The following EPB41L1 variants were observed in gnomAD, a reference collection of about 807,000 sequenced individuals.
EPB41L1 encodes the protein erythrocyte membrane protein band 4.1 like 1.
In EPB41L1, 29 loss-of-function variants were observed where a neutral mutation model predicts 97.8. The observed-to-expected ratio is 0.30, with a 90% CI of 0.22 to 0.40. The LOEUF is 0.40. EPB41L1 is among the 10% of genes least tolerant of loss of function. The probability of loss-of-function intolerance (pLI) is 1.00; values close to 1 mark genes in which losing one functional copy is unlikely to be tolerated. For missense variants in EPB41L1, 812 were observed against 1,162.3 expected (o/e 0.70, Z 4.38); for synonymous variants, 383 against 459.2 (o/e 0.83, Z 2.12).
chr20:36,125,979 A>T (rs2058949303), intron 2 of EPB41L1, among the ~76,000 whole-genome samples: 1 of 151,768 alleles, frequency 6.6e-6, no homozygotes, highest in South Asian at 2.1e-4. Flanking sequence ...GGGGGAAGAA[A>T]GGAACTTGTC....
chr20:36,164,258 G>A (rs2060646871), intron 1 of EPB41L1, among the ~76,000 whole-genome samples: 1 of 152,248 alleles, frequency 6.6e-6, no homozygotes, highest in East Asian at 1.9e-4. Context: ...GGATCTGGGG[G>A]TGCACATGGA....
In EPB41L1 at chr20:36,206,684, A is replaced by G. The variant is rs1344422016; in HGVS notation, c.1669-2804A>G. 7.8e-7 allele frequency: 1 copy of G among 1,289,738 alleles called. No homozygotes were observed. Among genetic ancestry groups the G allele is most frequent in the Non-Finnish European group, 1.0e-6 (1 of 988,880 alleles). 79.9% of individuals were successfully genotyped at this position (1,289,738 alleles called of 1,614,324 possible). Reference sequence around the variant, plus strand: ...GAAGGGGCAGGGACCCCCAAGAACCATGGAGGACCTGGTGACCTGAAGGGA... The same window carrying G: ...GAAGGGGCAGGGACCCCCAAGAACCGTGGAGGACCTGGTGACCTGAAGGGA... On this transcript the variant is annotated intron_variant, in intron 14 of 21. Coordinates refer to ENST00000338074, the MANE Select transcript of EPB41L1 (RefSeq NM_012156.2). The surrounding 1 kb of genome is among the most constrained non-coding windows in gnomAD (Gnocchi z 5.5).
upstream of EPB41L1, chr20:36,150,302 C>A (rs1280237794): frequency 6.6e-6 from 1 of 152,146 alleles, no homozygotes; most frequent in Non-Finnish European, 1.5e-5. Context: ...AACTCCTGAC[C>A]TCAGGTAATC....
intron 21 of EPB41L1, among the ~76,000 whole-genome samples, chr20:36,224,559 T>C (rs1009616099): frequency 6.6e-6 from 1 of 152,182 alleles, no homozygotes; most frequent in Non-Finnish European, 1.5e-5. Flanking sequence ...GGCAGGAGAT[T>C]TGCCTTAACC....
intron 6 of EPB41L1, 54 bp from the exon 7 acceptor site, chr20:36,185,063 G>A: frequency 1.9e-6 from 3 of 1,562,020 alleles, no homozygotes; most frequent in Non-Finnish European, 2.6e-6. Flanking sequence ...TGTGCTTGGG[G>A]GATCTAGGGA....
At chr20:36,177,725 C>A (rs535067733) in intron 3 of EPB41L1, among the ~76,000 whole-genome samples, 9 of 152,328 alleles carry the variant, frequency 5.9e-5, no homozygotes, top group Admixed American at 1.3e-4. Context: ...CAGAAACCAC[C>A]ACCAGAACTT....
At chr20:36,158,287 G>T (rs1038698898) in intron 1 of EPB41L1, among the ~76,000 whole-genome samples, 5 of 152,168 alleles carry the variant, frequency 3.3e-5, no homozygotes, top group African/African-American at 1.2e-4. Context: ...TCTCCTCAAA[G>T]GCCTCCCAGT....
upstream of EPB41L1, chr20:36,151,662 G>A (rs773016211): frequency 6.6e-6 from 1 of 152,242 alleles, no homozygotes; most frequent in Admixed American, 6.5e-5. Context: ...ACATTCTTAA[G>A]TGTCTCTCCT....
intron 13 of EPB41L1, 176 bp from the exon 14 acceptor site, chr20:36,197,683 G>A (rs952498106): frequency 1.0e-6 from 1 of 985,236 alleles, no homozygotes; most frequent in African/African-American, 1.7e-5. Flanking sequence ...ACCTGTTGGG[G>A]TGGTTCTCCT....
chr20:36,206,786 CAGCCA>C lies in EPB41L1; in HGVS notation c.1669-2701_1669-2697del. On this transcript the variant is annotated intron_variant, in intron 14 of 21. Coordinates refer to ENST00000338074, the MANE Select transcript of EPB41L1 (RefSeq NM_012156.2). This position sits in a 1 kb window ranked among gnomAD's most constrained non-coding sequence, Gnocchi z 5.5. ...GTGGAAGGAGAGTTTCCCCACCTGACAGCCAGCGCAGCCCGAGAGGAAGGGACCCC... is the reference window on the plus strand; with the variant it reads ...GTGGAAGGAGAGTTTCCCCACCTGACGCGCAGCCCGAGAGGAAGGGACCCC... 7.8e-7 allele frequency: 1 copy of C among 1,289,856 alleles called. No homozygotes were observed. Among genetic ancestry groups the C allele is most frequent in the South Asian group, 1.2e-5 (1 of 81,030 alleles). The allele number at this position is 1,289,856 out of a possible 1,614,324, so 79.9% of individuals were successfully genotyped here. A position where few individuals can be genotyped will look rare whatever the true frequency, so the allele number is the denominator to read the frequency against.
At chr20:36,098,624 C>T (rs2057910934) in intron 1 of EPB41L1, among the ~76,000 whole-genome samples, 1 of 152,202 alleles carries the variant, frequency 6.6e-6, no homozygotes, top group South Asian at 2.1e-4. Flanking sequence ...TCCAGTATGA[C>T]CTCATTTGAA....
At chr20:36,188,641 CAGAGAGAGAGAG>C (rs112151910) in intron 9 of EPB41L1, 142 bp downstream of exon 9, 4 of 270,430 alleles carry the variant, frequency 1.5e-5, no homozygotes, top group Non-Finnish European at 1.2e-5. Flanking sequence ...CACACACACA[CAGAGAGAGAGAG>C]AGAGAGAGAG....
At chr20:36,156,903 C>T (rs1464167047) in intron 1 of EPB41L1, among the ~76,000 whole-genome samples, 3 of 152,118 alleles carry the variant, frequency 2.0e-5, no homozygotes, top group Non-Finnish European at 2.9e-5. Flanking sequence ...CCTAAGAGCC[C>T]CTTTCTGGGC....
chr20:36,168,820 G>A (rs2060848707), intron 1 of EPB41L1, among the ~76,000 whole-genome samples: 2 of 152,020 alleles, frequency 1.3e-5, no homozygotes, highest in South Asian at 4.2e-4. Context: ...CTAAAGTGCT[G>A]GTATTACAGG....
At chr20:36,188,292 G>T (rs961953057) in intron 8 of EPB41L1, 55 bp from the exon 9 acceptor site, 6 of 1,610,338 alleles carry the variant, frequency 3.7e-6, no homozygotes, top group African/African-American at 2.7e-5. Flanking sequence ...TGGGTGGTAG[G>T]CTGTCCCCAG....
intron 1 of EPB41L1, among the ~76,000 whole-genome samples, chr20:36,105,004 G>A (rs1356103449): frequency 3.3e-5 from 5 of 152,202 alleles, no homozygotes; most frequent in African/African-American, 7.2e-5. Flanking sequence ...CGTGATCCCA[G>A]GTGAGTGGGA....
At chr20:36,120,937 T>C (rs1478593803) in intron 2 of EPB41L1, among the ~76,000 whole-genome samples, 3 of 152,142 alleles carry the variant, frequency 2.0e-5, no homozygotes, top group African/African-American at 7.2e-5. Flanking sequence ...ACGAATGGGA[T>C]TAATGTCCCT....
intron 2 of EPB41L1, among the ~76,000 whole-genome samples, chr20:36,123,623 G>C (rs1878686269): frequency 6.6e-6 from 1 of 152,098 alleles, no homozygotes; most frequent in South Asian, 2.1e-4. Flanking sequence ...GTAGAGACAG[G>C]GTTTTGCCAT....
chr20:36,101,134 A>G (rs901870113), intron 1 of EPB41L1, among the ~76,000 whole-genome samples: 3 of 152,286 alleles, frequency 2.0e-5, no homozygotes, highest in Non-Finnish European at 4.4e-5. Flanking sequence ...GGGAGCTTGG[A>G]TATGCTGCAG....
Sources: gnomAD v4.1 joint callset for allele counts (sites outside exome capture counted in the v4.1 genomes callset) on GRCh38, gnomAD v4.1.1 for gene constraint, Gnocchi (gnomAD v3.1) non-coding constraint, MANE v1.5 for transcripts, NCBI Gene and HGNC (gene_info 2026-07-23, HGNC 2026-07-21) for gene names.